The following KCNIP1 variants were observed in gnomAD, a reference collection of about 807,000 sequenced individuals.
The protein encoded by KCNIP1 is A-type potassium channel modulatory protein KCNIP1.
In KCNIP1, 18 loss-of-function variants were observed where a neutral mutation model predicts 33.0. The observed-to-expected ratio is 0.55, with a 90% confidence interval of 0.38 to 0.81. KCNIP1 has a LOEUF of 0.81. Among genes scored for constraint, KCNIP1 ranks in the 30% least tolerant of loss-of-function variants. The pLI, the probability that KCNIP1 is intolerant of heterozygous loss-of-function variation, is 0.00. For missense variants in KCNIP1, 238 were observed against 271.6 expected (o/e 0.88, Z 0.87); for synonymous variants, 93 against 98.3 (o/e 0.95, Z 0.32).
At chr5:170,547,040 G>A (rs1451874631) in intron 1 of KCNIP1, among the ~76,000 whole-genome samples, 1 of 152,120 alleles carries the variant, frequency 6.6e-6, no homozygotes, top group African/African-American at 2.4e-5. Flanking sequence ...TTTACAGTTG[G>A]TCAATTGTTT....
chr5:170,532,107 C>T (rs1379179096), intron 1 of KCNIP1, among the ~76,000 whole-genome samples: 2 of 152,222 alleles, frequency 1.3e-5, no homozygotes, highest in African/African-American at 2.4e-5. Context: ...TTCCTTTGTT[C>T]CAGGATTTAA....
At chr5:170,731,514 G>A (rs1764191661) in intron 5 of KCNIP1, among the ~76,000 whole-genome samples, 1 of 151,956 alleles carries the variant, frequency 6.6e-6, no homozygotes, top group African/African-American at 2.4e-5. Context: ...ACCAGCCTGG[G>A]CAACATGGCA....
At chr5:170,444,199 G>A (rs1444187778) in intron 1 of KCNIP1, among the ~76,000 whole-genome samples, 2 of 152,086 alleles carry the variant, frequency 1.3e-5, no homozygotes, top group African/African-American at 2.4e-5. Flanking sequence ...ACTCTCCCTG[G>A]GCTGGATCCG....
intron 1 of KCNIP1, among the ~76,000 whole-genome samples, chr5:170,615,428 C>T (rs1181147710): frequency 6.6e-6 from 1 of 152,176 alleles, no homozygotes; most frequent in African/African-American, 2.4e-5. Flanking sequence ...ATTTTAATGG[C>T]CTGAGTTCAG....
chr5:170,385,516 A>G (rs1348765075), intron 1 of KCNIP1: 1 of 1,569,480 alleles, frequency 6.4e-7, no homozygotes, highest in Admixed American at 1.7e-5. Flanking sequence ...CCCAGTTCAC[A>G]GGTGATCCAC....
At chr5:170,516,687 G>T (rs910621602) in intron 1 of KCNIP1, among the ~76,000 whole-genome samples, 1 of 152,194 alleles carries the variant, frequency 6.6e-6, no homozygotes, top group East Asian at 1.9e-4. Flanking sequence ...AAAAGATATG[G>T]TGTGTTGGGT....
chr5:170,383,289 T>C, intron 1 of KCNIP1: 1 of 434,454 alleles, frequency 2.3e-6, no homozygotes, highest in Non-Finnish European at 4.1e-6. Context: ...ACTGAGGTTG[T>C]AGAATGAAAG....
intron 1 of KCNIP1, among the ~76,000 whole-genome samples, chr5:170,647,606 C>T (rs1313559972): frequency 6.6e-6 from 1 of 150,692 alleles, no homozygotes; most frequent in Non-Finnish European, 1.5e-5. Context: ...ACAAACCTTG[C>T]ACCCTTCACA....
intron 1 of KCNIP1, among the ~76,000 whole-genome samples, chr5:170,440,633 G>A (rs148665465): frequency 1.4e-3 from 211 of 152,314 alleles, no homozygotes; most frequent in Non-Finnish European, 2.1e-3. Context: ...GAAGCCAGGC[G>A]AGTATGACAC....
At chr5:170,480,878 A>G (rs1756962666) in intron 1 of KCNIP1, among the ~76,000 whole-genome samples, 1 of 152,076 alleles carries the variant, frequency 6.6e-6, no homozygotes, top group Non-Finnish European at 1.5e-5. Context: ...CAGGACTATT[A>G]GTTGTATTCA....
intron 1 of KCNIP1, among the ~76,000 whole-genome samples, chr5:170,450,803 A>C (rs4867965): frequency 0.68 from 103,667 of 151,984 alleles, 36,039 homozygotes; most frequent in African/African-American, 0.82. Context: ...AGGCTGATAA[A>C]ATCCTGCGGA....
At chr5:170,707,058 T>A (rs1443340483) in intron 1 of KCNIP1, among the ~76,000 whole-genome samples, 1 of 151,972 alleles carries the variant, frequency 6.6e-6, no homozygotes, top group African/African-American at 2.4e-5. Context: ...GAGAAAGAGT[T>A]GTCTACTGAA....
Position 170,516,629 on chromosome 5 carries a change from A to G in KCNIP1, c.61+11996A>G, listed in dbSNP as rs546389862. Among the ~76,000 whole-genome samples, 70 of 152,372 alleles carry G rather than the reference A, an allele frequency of 4.6e-4. 1 individual carries two copies. In the South Asian group the frequency reaches 0.014, roughly 30 times the overall value. The stretch of plus-strand genomic sequence containing the variant: ...AAAGATTGTGGCTTGGTGTGAAAAC[A>G]TAGCACATTGGAGGCCATTCCATAA... On this transcript the variant is annotated intron_variant, in intron 1 of 7. Transcript: ENST00000328939.
At chr5:170,652,146 G>T (rs1213988338) in intron 1 of KCNIP1, among the ~76,000 whole-genome samples, 2 of 152,042 alleles carry the variant, frequency 1.3e-5, no homozygotes, top group Non-Finnish European at 2.9e-5. Context: ...CTGGTTGCCA[G>T]GTTAGTTGTG....
intron 1 of KCNIP1, among the ~76,000 whole-genome samples, chr5:170,556,139 A>G (rs765246485): frequency 6.6e-6 from 1 of 152,228 alleles, no homozygotes; most frequent in Non-Finnish European, 1.5e-5. Context: ...TCAAGATCCT[A>G]TGAAGTAGGT....
chr5:170,519,126 T>C (rs1234274323), intron 1 of KCNIP1, among the ~76,000 whole-genome samples: 4 of 152,182 alleles, frequency 2.6e-5, no homozygotes, highest in Non-Finnish European at 4.4e-5. Flanking sequence ...TGGCATATAG[T>C]GAGGGCTCCG....
rs572493356 is a variant in KCNIP1, at chr5:170,574,546, C to T, written c.61+69913C>T. On this transcript the variant is annotated intron_variant, in intron 1 of 7. Coordinates refer to ENST00000328939, the MANE Select transcript of KCNIP1 (RefSeq NM_014592.4). The stretch of plus-strand genomic sequence containing the variant: ...AAAACAATTACAGATATGGCAGGCT[C>T]GCCAAGCACTTCCATACCACATGGT... Among the ~76,000 whole-genome samples, 203 of 152,322 alleles carry T rather than the reference C, an allele frequency of 1.3e-3. 1 individual carries two copies. The highest frequency in any genetic ancestry group is 4.4e-3 in the African/African-American group (184 of 41,570).
At chr5:170,653,012 T>G (rs1214273161) in intron 1 of KCNIP1, among the ~76,000 whole-genome samples, 1 of 152,140 alleles carries the variant, frequency 6.6e-6, no homozygotes, top group Non-Finnish European at 1.5e-5. Context: ...CACTCTTCAT[T>G]TTTCTTGTTT....
At chr5:170,451,637 G>A (rs1177101390) in intron 1 of KCNIP1, among the ~76,000 whole-genome samples, 3 of 151,842 alleles carry the variant, frequency 2.0e-5, no homozygotes, top group South Asian at 4.2e-4. Flanking sequence ...AGTGAGAAAT[G>A]TATTTCTGAT....
Sources: gnomAD v4.1 joint callset for allele counts (sites outside exome capture counted in the v4.1 genomes callset) on GRCh38, gnomAD v4.1.1 for gene constraint, MANE v1.5 for transcripts, NCBI Gene and HGNC (gene_info 2026-07-23, HGNC 2026-07-21) for gene names.